COX7B2: variants seen among roughly 807,000 people sequenced by gnomAD.
The protein encoded by COX7B2 is cytochrome c oxidase subunit 7B2, mitochondrial.
For synonymous variants in COX7B2, 37 were observed against 32.1 expected (o/e 1.15, Z -0.51); for missense variants, 109 against 95.9 (o/e 1.14, Z -0.57).
intron 1 of COX7B2, among the ~76,000 whole-genome samples, chr4:46,878,883 C>A (rs1718521616): frequency 6.6e-6 from 1 of 152,140 alleles, no homozygotes; most frequent in Non-Finnish European, 1.5e-5. Context: ...CTTAACCACA[C>A]AGACACGCCT....
chr4:46,864,445 G>A (rs573805196), intron 1 of COX7B2, among the ~76,000 whole-genome samples: 1 of 152,170 alleles, frequency 6.6e-6, no homozygotes, highest in South Asian at 2.1e-4. Flanking sequence ...TCTCCAAGTT[G>A]TGCCTCTGGA....
intron 2 of COX7B2, among the ~76,000 whole-genome samples, chr4:46,808,570 C>T (rs1041192165): frequency 6.6e-6 from 1 of 151,756 alleles, no homozygotes; most frequent in Non-Finnish European, 1.5e-5. Context: ...ACTTTCAGTA[C>T]TATATTTAAT....
chr4:46,811,237 C>T (rs937779623), intron 2 of COX7B2, among the ~76,000 whole-genome samples: 1 of 151,974 alleles, frequency 6.6e-6, no homozygotes, highest in South Asian at 2.1e-4. Context: ...ATTAAATAGA[C>T]TTTCTGTTCC....
At chr4:46,834,756 T>C (rs932719175) in intron 2 of COX7B2, among the ~76,000 whole-genome samples, 5 of 152,032 alleles carry the variant, frequency 3.3e-5, no homozygotes, top group Non-Finnish European at 5.9e-5. Flanking sequence ...AAAGAAATCA[T>C]GGAAATATTT....
intron 2 of COX7B2, among the ~76,000 whole-genome samples, chr4:46,803,270 T>G (rs1718760490): frequency 6.6e-6 from 1 of 152,120 alleles, no homozygotes; most frequent in Admixed American, 6.6e-5. Context: ...CATTCTTTAT[T>G]CCTTATCCTC....
At chr4:46,745,218 T>G (rs1714950667) in intron 2 of COX7B2, among the ~76,000 whole-genome samples, 1 of 152,230 alleles carries the variant, frequency 6.6e-6, no homozygotes, top group South Asian at 2.1e-4. Flanking sequence ...TTCTGCAAAC[T>G]CCAGATTATT....
At chr4:46,766,004 C>T (rs929192190) in intron 2 of COX7B2, among the ~76,000 whole-genome samples, 1 of 152,022 alleles carries the variant, frequency 6.6e-6, no homozygotes, top group African/African-American at 2.4e-5. Context: ...ATGCAAACTC[C>T]AGTCCAGGTC....
At chr4:46,744,419 G>A (rs1266285172) in intron 2 of COX7B2, among the ~76,000 whole-genome samples, 5 of 152,006 alleles carry the variant, frequency 3.3e-5, no homozygotes, top group Admixed American at 1.3e-4. Flanking sequence ...GGCTATAGCA[G>A]CCAACCTCTG....
intron 2 of COX7B2, among the ~76,000 whole-genome samples, chr4:46,759,187 G>A (rs1715979817): frequency 6.6e-6 from 1 of 152,012 alleles, no homozygotes; most frequent in South Asian, 2.1e-4. Context: ...CGGAAAATGA[G>A]GAGCTCATGG....
chr4:46,879,679 C>T (rs1718584329), intron 1 of COX7B2, among the ~76,000 whole-genome samples: 1 of 151,158 alleles, frequency 6.6e-6, no homozygotes, highest in South Asian at 2.1e-4. Context: ...TATTGTACCG[C>T]TTTGATGAAT....
In COX7B2 at chr4:46,788,442, TA is replaced by T. The variant is rs546402978; in HGVS notation, c.-49-53202del. On this transcript the variant is annotated intron_variant, in intron 2 of 2. Coordinates refer to ENST00000355591, the MANE Select transcript of COX7B2 (RefSeq NM_130902.3). ...TAAACATATGATATTTTTTAACAGC[TA>T]GGGGTCATTTCTCAGTTAAAAAAAT... Among the ~76,000 whole-genome samples the T allele has an allele frequency of 6.4e-4, 98 of 152,274 alleles. 1 individual carries two copies. Among genetic ancestry groups the T allele is most frequent in the South Asian group, 1.7e-3 (8 of 4,828 alleles).
chr4:46,773,287 G>C (rs566938624), intron 2 of COX7B2, among the ~76,000 whole-genome samples: 2 of 152,024 alleles, frequency 1.3e-5, no homozygotes, highest in Non-Finnish European at 2.9e-5. Flanking sequence ...CTGAATCATG[G>C]GGGCAGTTAC....
At chr4:46,757,803 A>C (rs1715891582) in intron 2 of COX7B2, among the ~76,000 whole-genome samples, 1 of 152,168 alleles carries the variant, frequency 6.6e-6, no homozygotes, top group African/African-American at 2.4e-5. Context: ...GACTGAAAAA[A>C]TAAAAATAAA....
At chr4:46,768,644 T>G (rs1716692598) in intron 2 of COX7B2, among the ~76,000 whole-genome samples, 1 of 151,364 alleles carries the variant, frequency 6.6e-6, no homozygotes, top group Non-Finnish European at 1.5e-5. Context: ...AAAAGAAACA[T>G]CTCAAATAAA....
chr4:46,900,942 A>G (rs1044969947), intron 1 of COX7B2, among the ~76,000 whole-genome samples: 8 of 152,326 alleles, frequency 5.3e-5, no homozygotes, highest in Admixed American at 1.3e-4. Context: ...AAATATTAAA[A>G]ACTCAACATA....
intron 2 of COX7B2, among the ~76,000 whole-genome samples, chr4:46,761,965 A>G (rs755296858): frequency 6.6e-6 from 1 of 151,556 alleles, no homozygotes; most frequent in Admixed American, 6.6e-5. Flanking sequence ...GCAAATAAAC[A>G]TATGAACAGT....
chr4:46,785,738 G>T (rs770888496), intron 2 of COX7B2, among the ~76,000 whole-genome samples: 130 of 151,990 alleles, frequency 8.6e-4, no homozygotes, highest in Non-Finnish European at 1.4e-3. Context: ...GTGGACAGGG[G>T]ACAGGAGATC....
At chr4:46,761,436 G>C (rs1426603535) in intron 2 of COX7B2, among the ~76,000 whole-genome samples, 1 of 152,084 alleles carries the variant, frequency 6.6e-6, no homozygotes, top group African/African-American at 2.4e-5. Context: ...TCCACATATA[G>C]ATTATATCGC....
intron 1 of COX7B2, among the ~76,000 whole-genome samples, chr4:46,885,171 T>C (rs1719007047): frequency 6.6e-6 from 1 of 152,068 alleles, no homozygotes; most frequent in African/African-American, 2.4e-5. Context: ...TTGTGGCCGT[T>C]TCCCACTCCT....
Sources: allele counts gnomAD v4.1 joint callset (sites outside exome capture counted in the v4.1 genomes callset), GRCh38; gene constraint gnomAD v4.1.1; transcripts MANE v1.5; gene names NCBI Gene and HGNC (gene_info 2026-07-23, HGNC 2026-07-21).